Variants in KCNN2 observed in about 807,000 individuals in gnomAD.
The protein encoded by KCNN2 is potassium calcium-activated channel subfamily N member 2, also known as small conductance calcium-activated potassium channel protein 2.
KCNN2 carries 24 observed loss-of-function variants against 55.5 expected under a neutral mutation model. That is an observed-to-expected ratio of 0.43 (90% CI 0.31 to 0.61). The LOEUF (loss-of-function observed/expected upper bound fraction) is 0.61, where lower values mean the gene tolerates loss of function less well. Ranked by LOEUF, KCNN2 falls within the 20% of genes least tolerant of loss-of-function variation. The pLI, the probability that KCNN2 is intolerant of heterozygous loss-of-function variation, is 0.08. For missense variants in KCNN2, 754 were observed against 853.6 expected (o/e 0.88, Z 1.45); for synonymous variants, 431 against 336.1 (o/e 1.28, Z -3.09).
At chr5:114,091,315 T>G (rs1304964665) in intron 1 of KCNN2, among the ~76,000 whole-genome samples, 3 of 152,164 alleles carry the variant, frequency 2.0e-5, no homozygotes, top group Non-Finnish European at 4.4e-5. Context: ...ACTTTCCTAC[T>G]GAAATCAATA....
rs564654484 is a variant in KCNN2, at chr5:114,100,731, T to C, written c.-271+44231T>C. On this transcript the variant is annotated intron_variant, in intron 1 of 10. Transcript: ENST00000512097. ...AAGGCTTCTTGGAGAAATTATGGAT[T>C]CCGGGTCAGAGGAGAAGTATAAGCC... is the stretch of plus-strand genomic sequence containing the variant. 2.0e-5 allele frequency among the ~76,000 whole-genome samples: 3 copies of C among 152,198 alleles called. No individual in the cohort carries two copies. The East Asian group carries it at 5.8e-4, about 29-fold the overall frequency.
At chr5:114,225,157 G>T (rs776832771) in intron 2 of KCNN2, among the ~76,000 whole-genome samples, 1 of 152,100 alleles carries the variant, frequency 6.6e-6, no homozygotes, top group East Asian at 1.9e-4. Flanking sequence ...AAAAAGTAAG[G>T]CATTATGTGA....
chr5:114,391,352 T>G (rs13187753), intron 2 of KCNN2, among the ~76,000 whole-genome samples: 23,206 of 152,224 alleles, frequency 0.15, 1,843 homozygotes, highest in Middle Eastern at 0.21. Context: ...TGTTAATGCA[T>G]ACTAATCATG....
At chr5:114,320,570 C>T (rs186255801) in intron 2 of KCNN2, among the ~76,000 whole-genome samples, 76 of 151,356 alleles carry the variant, frequency 5.0e-4, no homozygotes, top group African/African-American at 1.8e-3. Flanking sequence ...GCCGAGATCG[C>T]GCCACTGCAC....
chr5:114,335,299 T>C (rs1580729254), intron 2 of KCNN2, among the ~76,000 whole-genome samples: 1 of 152,264 alleles, frequency 6.6e-6, no homozygotes, highest in South Asian at 2.1e-4. Context: ...TCCCCTTATG[T>C]GCAGCTGTAT....
At chr5:114,080,429 G>T (rs1750787535) in intron 1 of KCNN2, among the ~76,000 whole-genome samples, 1 of 152,166 alleles carries the variant, frequency 6.6e-6, no homozygotes, top group African/African-American at 2.4e-5. Context: ...GCCTGGAGAT[G>T]TCTGCGTGGA....
intron 2 of KCNN2, among the ~76,000 whole-genome samples, chr5:114,371,901 C>T (rs926924574): frequency 1.3e-5 from 2 of 152,022 alleles, no homozygotes; most frequent in Non-Finnish European, 2.9e-5. Context: ...TATATTATGC[C>T]GACTCTTATT....
At chr5:114,471,287 G>A (rs1761723886) in intron 4 of KCNN2, among the ~76,000 whole-genome samples, 2 of 151,018 alleles carry the variant, frequency 1.3e-5, no homozygotes, top group African/African-American at 4.9e-5. Context: ...TGTAACCTAG[G>A]TACATCCTCC....
At chr5:114,361,351 A>G (rs929857839), upstream of KCNN2, among the ~76,000 whole-genome samples, 21 of 151,882 alleles carry the variant, frequency 1.4e-4, no homozygotes, top group African/African-American at 4.8e-4. Context: ...TCCAGATTCC[A>G]GAGCCTGCCG....
At position 114,183,080 on chromosome 5, in the gene KCNN2, T is replaced by C. The variant is rs539871862; in HGVS notation, c.-270-38400T>C. Among the ~76,000 whole-genome samples, 14 of 152,236 alleles carry C rather than the reference T, an allele frequency of 9.2e-5. No individual in the cohort carries two copies. The South Asian group carries it at 2.9e-3, about 32-fold the overall frequency. ...GTCGAGAGGATTTTATTTTTAATCA[T>C]GAACAGATGCTGAATTTGGTAAAAT... On this transcript the variant is annotated intron_variant, in intron 1 of 10. Transcript: ENST00000512097.
At chr5:114,066,725 G>T (rs1390315850) in intron 1 of KCNN2, among the ~76,000 whole-genome samples, 2 of 152,114 alleles carry the variant, frequency 1.3e-5, no homozygotes, top group African/African-American at 2.4e-5. Flanking sequence ...GACTACAGGC[G>T]CACGCCACCA....
chr5:114,064,567 G>A (rs960042181), intron 1 of KCNN2, among the ~76,000 whole-genome samples: 9 of 152,100 alleles, frequency 5.9e-5, no homozygotes, highest in African/African-American at 1.9e-4. Flanking sequence ...AATCTAACCC[G>A]GCGAGTGACC....
chr5:114,231,971 A>G (rs1561532859), intron 2 of KCNN2, among the ~76,000 whole-genome samples: 1 of 150,356 alleles, frequency 6.7e-6, no homozygotes, highest in Non-Finnish European at 1.5e-5. Flanking sequence ...GTTTAAATGA[A>G]TTGAATTCAA....
intron 2 of KCNN2, among the ~76,000 whole-genome samples, chr5:114,322,843 T>G (rs1305175430): frequency 6.6e-6 from 1 of 152,186 alleles, no homozygotes; most frequent in Non-Finnish European, 1.5e-5. Flanking sequence ...AGGGTACATG[T>G]AAAGGTGTGT....
At position 114,303,894 on chromosome 5, in the gene KCNN2, G is replaced by T. The variant is rs557878528; in HGVS notation, c.-184-57051G>T. ...AAGGATGATATATTTCTGACATATAGAATTTCTGGAATCAATTCTATACAC... is the reference window on the plus strand; with the variant it reads ...AAGGATGATATATTTCTGACATATATAATTTCTGGAATCAATTCTATACAC... On this transcript the variant is annotated intron_variant, in intron 2 of 10. Transcript: ENST00000512097. Among the ~76,000 whole-genome samples, 7 of 152,268 alleles carry T rather than the reference G, an allele frequency of 4.6e-5. No homozygotes were observed. The East Asian group carries it at 1.4e-3, about 29-fold the overall frequency.
intron 6 of KCNN2, among the ~76,000 whole-genome samples, chr5:114,492,272 A>G (rs1472488950): frequency 2.0e-5 from 3 of 152,078 alleles, no homozygotes; most frequent in Non-Finnish European, 4.4e-5. Flanking sequence ...TTGCCCTGTG[A>G]GTTTTTATTC....
At chr5:114,195,303 T>C (rs1023303180) in intron 1 of KCNN2, among the ~76,000 whole-genome samples, 1 of 152,056 alleles carries the variant, frequency 6.6e-6, no homozygotes, top group African/African-American at 2.4e-5. Context: ...AACAATATTT[T>C]ATTTTCTGAA....
At chr5:114,378,503 T>C (rs189663430) in intron 2 of KCNN2, among the ~76,000 whole-genome samples, 1 of 152,272 alleles carries the variant, frequency 6.6e-6, no homozygotes, top group Admixed American at 6.5e-5. Context: ...GAAGTGCAGA[T>C]TTTTGTAGGT....
intron 6 of KCNN2, among the ~76,000 whole-genome samples, chr5:114,488,366 C>T (rs1180341237): frequency 1.2e-4 from 18 of 152,198 alleles, no homozygotes; most frequent in Non-Finnish European, 2.6e-4. Context: ...ATGCTATTTC[C>T]TCTGTAGCTC....
Sources: gnomAD v4.1 joint callset for allele counts (sites outside exome capture counted in the v4.1 genomes callset) on GRCh38, gnomAD v4.1.1 for gene constraint, MANE v1.5 for transcripts, NCBI Gene and HGNC (gene_info 2026-07-23, HGNC 2026-07-21) for gene names.